The following CA7 variants were observed in gnomAD, a reference collection of about 807,000 sequenced individuals.
CA7 encodes the protein carbonic anhydrase 7, also known as carbonate dehydratase VII.
CA7 carries 13 observed loss-of-function variants against 31.4 expected under a neutral mutation model. That is an observed-to-expected ratio of 0.41 (90% CI 0.27 to 0.66). CA7 has a LOEUF of 0.66. Ranked by LOEUF, CA7 falls within the 30% of genes least tolerant of loss-of-function variation. The pLI is 0.28. For synonymous variants in CA7, 128 were observed against 133.2 expected (o/e 0.96, Z 0.27); for missense variants, 215 against 351.0 (o/e 0.61, Z 3.10).
intron 4 of CA7, 32 bp downstream of exon 4, chr16:66,851,590 C>CA (rs1961053364): frequency 6.2e-7 from 1 of 1,612,334 alleles, no homozygotes; most frequent in African/African-American, 1.3e-5. Context: ...CCTGGAGGGG[C>CA]ATGGGAGGCC....
chr16:66,850,037 T>C (rs1020472677), intron 2 of CA7, among the ~76,000 whole-genome samples: 3 of 150,552 alleles, frequency 2.0e-5, no homozygotes, highest in African/African-American at 7.3e-5. Flanking sequence ...GGAGAAATGC[T>C]TGAACCTGGG....
At chr16:66,847,005 T>C in intron 1 of CA7, 25 bp from the exon 2 acceptor site, 1 of 1,611,448 alleles carries the variant, frequency 6.2e-7, no homozygotes, top group Non-Finnish European at 8.5e-7. Flanking sequence ...CTGGCCTGAG[T>C]CCTTGCCCTC....
Position 66,850,561 on chromosome 16 carries a change from G to A in CA7, c.259G>A (p.Glu87Lys), listed in dbSNP as rs968692887. 153 of 1,613,056 alleles carry A rather than the reference G, an allele frequency of 9.5e-5. No homozygotes were observed. Among genetic ancestry groups the A allele is most frequent in the Non-Finnish European group, 1.3e-4 (153 of 1,179,180 alleles). The change falls in exon 3 of 7, where the codon GAA becomes AAA. Residue 87 changes from glutamate to lysine, a missense_variant. By Grantham distance (56) the Glu-to-Lys change is moderately conservative. Transcript: ENST00000338437. ...DRTVVTGGPL[E>K]GPYRLKQFHF... ...CACAGTGGTGACTGGGGGCCCCCTG[G>A]AAGGGCCCTACCGCCTCAAGCAGTT...
At chr16:66,850,769 G>T in intron 3 of CA7, 110 bp downstream of exon 3, 1 of 779,396 alleles carries the variant, frequency 1.3e-6, no homozygotes. Flanking sequence ...GGGGGAAGAG[G>T]AGCACCCGGG....
At chr16:66,852,233 C>T (rs940570816) in intron 5 of CA7, among the ~76,000 whole-genome samples, 5 of 152,124 alleles carry the variant, frequency 3.3e-5, no homozygotes, top group Non-Finnish European at 7.3e-5. Context: ...GAGGCCGAGG[C>T]AGGCGGATCA....
chr16:66,844,582 T>G, intron 1 of CA7, 55 bp downstream of exon 1: 1 of 1,440,778 alleles, frequency 6.9e-7, no homozygotes, highest in Non-Finnish European at 9.5e-7. Flanking sequence ...CCAACTGCAC[T>G]CGCCCCAACC....
At chr16:66,850,453 G>A (rs1244192753) in intron 2 of CA7, 88 bp from the exon 3 acceptor site, 2 of 778,468 alleles carry the variant, frequency 2.6e-6, no homozygotes, top group Middle Eastern at 2.6e-4. Flanking sequence ...AAAAAAAAAT[G>A]TCCCTTTCCT....
chr16:66,844,496 C>A lies in CA7; in HGVS notation c.9C>A (p.Gly3=). 6.5e-7 allele frequency: 1 copy of A among 1,542,948 alleles called. No homozygotes were observed. Among genetic ancestry groups the A allele is most frequent in the Non-Finnish European group, 8.7e-7 (1 of 1,144,024 alleles). Residue 3 remains glycine (G), a synonymous_variant, in exon 1 of 7, where the codon GGC becomes GGA. Coordinates refer to ENST00000338437, the MANE Select transcript of CA7 (RefSeq NM_005182.3). ...GCGGGGACGGCAGCGGCATGACCGG[C>A]CACCACGGCTGGGGCTACGGCCAGG... MT[G]HHGWGYGQDD...
rs761575382 is a variant in CA7, at chr16:66,852,840, G to A, written c.645G>A (p.Arg215=). ...LSESVTWIVL[R]EPICISERQM... is the part of the protein sequence containing the mutation. ...AGAGTGTCACCTGGATTGTGCTCCG[G>A]GAGCCCATCTGCATCTCTGAAAGGC... The change falls in exon 6 of 7, where the codon CGG becomes CGA. Residue 215 remains arginine (R), a synonymous_variant. Coordinates refer to ENST00000338437, the MANE Select transcript of CA7 (RefSeq NM_005182.3). 5 of 1,613,724 alleles carry A rather than the reference G, an allele frequency of 3.1e-6. No individual in the cohort carries two copies. In the South Asian group the frequency reaches 4.4e-5, roughly 14 times the overall value.
intron 2 of CA7, among the ~76,000 whole-genome samples, chr16:66,849,909 G>A (rs768586189): frequency 5.1e-4 from 78 of 152,134 alleles, no homozygotes; most frequent in Admixed American, 2.7e-3. Context: ...ACCTAAGGTT[G>A]GGAGTTCGAG....
chr16:66,844,486 G>T lies in CA7; in HGVS notation c.-2G>T. 1 of 1,541,880 alleles carries T rather than the reference G, an allele frequency of 6.5e-7. No individual in the cohort carries two copies. Among genetic ancestry groups the T allele is most frequent in the South Asian group, 1.2e-5 (1 of 82,816 alleles). ...GTGCACGGCTGCGGGGACGGCAGCGGCATGACCGGCCACCACGGCTGGGGC... is the reference window on the plus strand; with the variant it reads ...GTGCACGGCTGCGGGGACGGCAGCGTCATGACCGGCCACCACGGCTGGGGC... On this transcript the variant is annotated 5_prime_UTR_variant, in exon 1 of 7. Coordinates refer to ENST00000338437, the MANE Select transcript of CA7 (RefSeq NM_005182.3).
chr16:66,851,248 C>T (rs1249274528), intron 3 of CA7, among the ~76,000 whole-genome samples: 5 of 152,218 alleles, frequency 3.3e-5, no homozygotes, highest in African/African-American at 9.6e-5. Context: ...TTGGGTCCCC[C>T]GGAGCCCAGA....
intron 5 of CA7, 120 bp from the exon 6 acceptor site, chr16:66,852,572 GAAAGAAAAGAAAAGAAAAAA>G: frequency 1.9e-6 from 1 of 536,176 alleles, no homozygotes; most frequent in African/African-American, 2.6e-5. Context: ...GAAAGAAAAA[GAAAGAAAAGAAAAGAAAAAA>G]AAAAGAAAAG....
At chr16:66,844,652 C>A in intron 1 of CA7, 125 bp downstream of exon 1, 1 of 772,560 alleles carries the variant, frequency 1.3e-6, no homozygotes, top group Non-Finnish European at 2.0e-6. Context: ...GGGCGGGACC[C>A]CTCTTCCCAT....
At chr16:66,846,581 A>T (rs1960933458) in intron 1 of CA7, among the ~76,000 whole-genome samples, 1 of 152,212 alleles carries the variant, frequency 6.6e-6, no homozygotes, top group Admixed American at 6.5e-5. Context: ...AGGCAAATAC[A>T]TGTCACAGAG....
rs1395423503 is a variant in CA7 at position 66,853,932 on chromosome 16, G to A, written c.*434G>A. 1 of 167,914 alleles carries A rather than the reference G, an allele frequency of 6.0e-6. No individual in the cohort carries two copies. The highest frequency in any genetic ancestry group is 2.4e-5 in the African/African-American group (1 of 42,008). The allele number at this position is 167,914 out of a possible 1,614,324, so 10.4% of individuals were successfully genotyped here. ...CCTCTCGGCATTACCTCTTCTGCAG[G>A]CTCTGCCATGCACGCACCTCACTGC... On this transcript the variant is annotated 3_prime_UTR_variant, in exon 7 of 7. Coordinates refer to ENST00000338437, the MANE Select transcript of CA7 (RefSeq NM_005182.3). This position sits in a 1 kb window ranked among gnomAD's most constrained non-coding sequence, Gnocchi z 4.5.
intron 1 of CA7, chr16:66,845,275 A>T: frequency 8.6e-6 from 8 of 929,620 alleles, no homozygotes; most frequent in Non-Finnish European, 1.0e-5. Flanking sequence ...GGGGCAGTCA[A>T]TTCCCTTTGG....
intron 3 of CA7, 48 bp downstream of exon 3, chr16:66,850,707 G>C (rs200454567): frequency 1.5e-6 from 2 of 1,352,974 alleles, no homozygotes; most frequent in East Asian, 4.6e-5. Flanking sequence ...GGGAAGGAAC[G>C]CAGGCCTGGG....
At position 66,850,661 on chromosome 16, in the gene CA7, T is replaced by C; in HGVS notation, c.357+2T>C. 6.3e-7 allele frequency: 1 copy of C among 1,592,726 alleles called. No homozygotes were observed. The highest frequency in any genetic ancestry group is 8.6e-7 in the Non-Finnish European group (1 of 1,160,560). On this transcript the variant is annotated splice_donor_variant, in intron 3 of 6. Coordinates refer to ENST00000338437, the MANE Select transcript of CA7 (RefSeq NM_005182.3). LOFTEE classifies it high-confidence loss of function. ...GACGGCAAGTCCTTCCCCAGCGAGG[T>C]ACGGGCCCTCCTCCACTTGAATCCC...
Sources: allele counts gnomAD v4.1 joint callset (sites outside exome capture counted in the v4.1 genomes callset), GRCh38; gene constraint gnomAD v4.1.1; non-coding constraint Gnocchi (gnomAD v3.1); transcripts MANE v1.5; gene names NCBI Gene and HGNC (gene_info 2026-07-23, HGNC 2026-07-21).